Variants in NRG3 observed in about 807,000 individuals in gnomAD.
NRG3 encodes pro-neuregulin-3, membrane-bound isoform.
In NRG3, 31 loss-of-function variants were observed where a neutral mutation model predicts 66.9. The observed-to-expected ratio is 0.46, with a 90% CI of 0.35 to 0.63. NRG3 has a LOEUF of 0.63. NRG3 is among the 20% of genes least tolerant of loss of function. NRG3 has a pLI of 0.00. For missense variants in NRG3, 910 were observed against 878.9 expected (o/e 1.04, Z -0.45); for synonymous variants, 393 against 359.4 (o/e 1.09, Z -1.06).
At chr10:82,452,276 A>G (rs1294342024) in intron 2 of NRG3, among the ~76,000 whole-genome samples, 1 of 152,218 alleles carries the variant, frequency 6.6e-6, no homozygotes, top group Non-Finnish European at 1.5e-5. Flanking sequence ...CTGTCCATCC[A>G]GAACATGACG....
chr10:82,007,340 G>C (rs1251318738), intron 1 of NRG3, among the ~76,000 whole-genome samples: 1 of 151,132 alleles, frequency 6.6e-6, no homozygotes, highest in South Asian at 2.1e-4. Context: ...CTCCCAAGTA[G>C]CTGGGACTAC....
At position 81,911,603 on chromosome 10, in the gene NRG3, G is replaced by GGTTTTTTTTTTTTTTTTTT. The variant is rs1306854861; in HGVS notation, c.823+35440_823+35441insGTTTTTTTTTTTTTTTTTT. The stretch of plus-strand genomic sequence containing the variant: ...TGTCTTCACCCTCTAGCACAGACTT[G>GGTTTTTTTTTTTTTTTTTT]TTTTTTTTTTTTTTTTTTTTTTTTT... On this transcript the variant is annotated intron_variant, in intron 1 of 8. Coordinates refer to ENST00000372141, the MANE Select transcript of NRG3 (RefSeq NM_001010848.4). Among the ~76,000 whole-genome samples, 2 of 77,944 alleles carry GGTTTTTTTTTTTTTTTTTT rather than the reference G, an allele frequency of 2.6e-5. 1 individual carries two copies. The highest frequency in any genetic ancestry group is 9.1e-5 in the African/African-American group (2 of 21,960). 51.1% of individuals were successfully genotyped at this position (77,944 alleles called of 152,430 possible).
At chr10:81,943,648 A>G (rs1848583197) in intron 1 of NRG3, among the ~76,000 whole-genome samples, 1 of 152,224 alleles carries the variant, frequency 6.6e-6, no homozygotes, top group Non-Finnish European at 1.5e-5. Flanking sequence ...CTTAACTTTC[A>G]TAAGACCCAT....
At chr10:82,740,965 A>G (rs2058398377) in intron 3 of NRG3, among the ~76,000 whole-genome samples, 2 of 152,116 alleles carry the variant, frequency 1.3e-5, no homozygotes. Flanking sequence ...ATACACTAAA[A>G]TGTTGTAAGG....
intron 4 of NRG3, among the ~76,000 whole-genome samples, chr10:82,884,558 G>T (rs1591825872): frequency 6.6e-6 from 1 of 152,172 alleles, no homozygotes; most frequent in East Asian, 1.9e-4. Context: ...AATGCCCACA[G>T]TTATGACAAA....
At chr10:82,316,522 T>C (rs1388728997) in intron 1 of NRG3, among the ~76,000 whole-genome samples, 1 of 152,134 alleles carries the variant, frequency 6.6e-6, no homozygotes, top group African/African-American at 2.4e-5. Context: ...GGACCCTTTT[T>C]TCCCCCTCCT....
At chr10:82,839,869 T>A (rs1363769686) in intron 3 of NRG3, among the ~76,000 whole-genome samples, 1 of 152,118 alleles carries the variant, frequency 6.6e-6, no homozygotes, top group Non-Finnish European at 1.5e-5. Context: ...ACAATCACTC[T>A]GCTGATTTAT....
chr10:82,213,808 A>G (rs1418795575), intron 1 of NRG3, among the ~76,000 whole-genome samples: 1 of 152,208 alleles, frequency 6.6e-6, no homozygotes, highest in Admixed American at 6.5e-5. Context: ...AGACACAACA[A>G]AATATGTTTT....
At chr10:82,903,265 T>C (rs1409346886) in intron 4 of NRG3, among the ~76,000 whole-genome samples, 1 of 152,172 alleles carries the variant, frequency 6.6e-6, no homozygotes, top group Non-Finnish European at 1.5e-5. Context: ...GTTGAGCGTG[T>C]TTGCTTAAAA....
chr10:82,756,236 G>A (rs1001292259), intron 3 of NRG3, among the ~76,000 whole-genome samples: 10 of 152,008 alleles, frequency 6.6e-5, no homozygotes, highest in African/African-American at 2.4e-4. Flanking sequence ...CTGCTCTTCA[G>A]CGTCTGTTTA....
chr10:82,801,107 A>G (rs562372181), intron 3 of NRG3, among the ~76,000 whole-genome samples: 1 of 152,322 alleles, frequency 6.6e-6, no homozygotes, highest in South Asian at 2.1e-4. Flanking sequence ...GTCCTGGGAA[A>G]AGGAGCATGT....
intron 1 of NRG3, among the ~76,000 whole-genome samples, chr10:82,067,559 G>C (rs2064554594): frequency 6.6e-6 from 1 of 152,176 alleles, no homozygotes; most frequent in Admixed American, 6.5e-5. Context: ...TGTTGGCCAG[G>C]CTGGTCTCAA....
intron 3 of NRG3, among the ~76,000 whole-genome samples, chr10:82,786,438 C>CCT (rs375513778): frequency 1.3e-5 from 2 of 151,450 alleles, no homozygotes; most frequent in Non-Finnish European, 2.9e-5. Context: ...TCTTTTTGTG[C>CCT]CTCTCTCTCT....
At chr10:82,136,069 A>G (rs1441284930) in intron 1 of NRG3, among the ~76,000 whole-genome samples, 1 of 152,170 alleles carries the variant, frequency 6.6e-6, no homozygotes, top group Non-Finnish European at 1.5e-5. Flanking sequence ...TAGGGGACAC[A>G]CCAAGCCCAG....
intron 3 of NRG3, among the ~76,000 whole-genome samples, chr10:82,779,621 CT>C (rs1164507266): frequency 4.6e-5 from 7 of 152,114 alleles, no homozygotes; most frequent in African/African-American, 1.7e-4. Flanking sequence ...ATTTTTTCTG[CT>C]AAGTTCCTGC....
intron 1 of NRG3, among the ~76,000 whole-genome samples, chr10:81,916,720 C>T (rs1365268426): frequency 3.3e-5 from 5 of 152,162 alleles, no homozygotes; most frequent in Non-Finnish European, 7.4e-5. Flanking sequence ...TTGCTAATTA[C>T]AGGCCTTGAT....
chr10:82,722,788 C>T (rs1335050908), intron 2 of NRG3, among the ~76,000 whole-genome samples: 2 of 152,178 alleles, frequency 1.3e-5, no homozygotes, highest in African/African-American at 2.4e-5. Flanking sequence ...CTCCGCACCC[C>T]ACTTCTTCTG....
chr10:82,098,095 T>G (rs1441252825), intron 1 of NRG3, among the ~76,000 whole-genome samples: 2 of 151,370 alleles, frequency 1.3e-5, no homozygotes, highest in African/African-American at 2.4e-5. Flanking sequence ...ACATCATATA[T>G]ATGTCTCATA....
chr10:82,907,840 G>A (rs1844903847), intron 4 of NRG3, among the ~76,000 whole-genome samples: 1 of 152,170 alleles, frequency 6.6e-6, no homozygotes, highest in Non-Finnish European at 1.5e-5. Flanking sequence ...TACATGTGTA[G>A]AGCAAATGTG....
Sources: gnomAD v4.1 joint callset for allele counts (sites outside exome capture counted in the v4.1 genomes callset) on GRCh38, gnomAD v4.1.1 for gene constraint, MANE v1.5 for transcripts, NCBI Gene and HGNC (gene_info 2026-07-23, HGNC 2026-07-21) for gene names.